Variants in DPYD observed in about 807,000 individuals in gnomAD.
DPYD encodes dihydropyrimidine dehydrogenase [NADP(+)].
In DPYD, 109 loss-of-function variants were observed where a neutral mutation model predicts 116.2. That is an observed-to-expected ratio of 0.94 (90% CI 0.80 to 1.10). The LOEUF is 1.10. DPYD is among the 50% of genes least tolerant of loss of function. DPYD has a pLI of 0.00. For synonymous variants in DPYD, 440 were observed against 432.0 expected, an observed-to-expected ratio of 1.02 and a Z score of -0.23; for missense variants, 1,302 against 1,254.5, an observed-to-expected ratio of 1.04 and a Z score of -0.57.
chr1:97,246,730 T>C (rs544832976), intron 18 of DPYD, among the ~76,000 whole-genome samples: 8 of 152,294 alleles, frequency 5.3e-5, no homozygotes, highest in South Asian at 4.1e-4. Flanking sequence ...TCAATTTCTA[T>C]ATGGCATTTT....
chr1:97,375,140 C>T (rs558446523), intron 15 of DPYD, among the ~76,000 whole-genome samples: 6 of 151,978 alleles, frequency 3.9e-5, no homozygotes, highest in South Asian at 2.1e-4. Flanking sequence ...TCCAGTGCCG[C>T]GGTTTATTTT....
intron 11 of DPYD, among the ~76,000 whole-genome samples, chr1:97,559,501 C>T (rs1190401497): frequency 2.6e-5 from 4 of 152,106 alleles, no homozygotes; most frequent in Non-Finnish European, 5.9e-5. Flanking sequence ...ATTTAAATAG[C>T]AGAAATGCTC....
intron 21 of DPYD, 27 bp from the exon 22 acceptor site, chr1:97,082,497 C>T: frequency 1.2e-6 from 2 of 1,612,170 alleles, no homozygotes; most frequent in Non-Finnish European, 1.7e-6. Context: ...AATTACTTAG[C>T]AAGCTCATTT....
intron 1 of DPYD, among the ~76,000 whole-genome samples, chr1:97,894,828 T>C (rs2101669116): frequency 6.6e-6 from 1 of 151,822 alleles, no homozygotes; most frequent in East Asian, 1.9e-4. Context: ...ACTTTAATTA[T>C]AAACTATTTT....
chr1:97,229,089 A>C (rs1661394927), intron 19 of DPYD, among the ~76,000 whole-genome samples: 1 of 151,608 alleles, frequency 6.6e-6, no homozygotes, highest in Non-Finnish European at 1.5e-5. Flanking sequence ...CTGTGGTCCC[A>C]GCTACTTGGG....
At position 97,593,214 on chromosome 1, in the gene DPYD, T is replaced by C; in HGVS notation, c.1128+4A>G. 6.2e-7 allele frequency: 1 copy of C among 1,614,000 alleles called. No homozygotes were observed. Among genetic ancestry groups the C allele is most frequent in the African/African-American group, 1.3e-5 (1 of 75,048 alleles). On this transcript the variant is annotated splice_donor_region_variant and intron_variant, in intron 10 of 22. Transcript: ENST00000370192. ...CTCCATATTTTCTGATGGTTCCATT[T>C]TACCTCCTCAGGGACAGCTCTTATA...
chr1:97,419,644 T>C (rs10875084), intron 14 of DPYD, among the ~76,000 whole-genome samples: 30,272 of 152,106 alleles, frequency 0.2, 3,250 homozygotes, highest in East Asian at 0.39. Context: ...ACTATTAATG[T>C]TGTGTATCTT....
chr1:97,186,013 C>A (rs11589971), intron 20 of DPYD, among the ~76,000 whole-genome samples: 25,856 of 152,116 alleles, frequency 0.17, 2,667 homozygotes, highest in Middle Eastern at 0.27. Context: ...ATAGAAGATA[C>A]AAAACTTTTA....
intron 19 of DPYD, among the ~76,000 whole-genome samples, chr1:97,216,592 G>A (rs1193618437): frequency 6.6e-6 from 1 of 151,906 alleles, no homozygotes; most frequent in Non-Finnish European, 1.5e-5. Flanking sequence ...TCAGGAGTTC[G>A]AGACCAGCCT....
chr1:97,165,955 G>C (rs2101756141), intron 20 of DPYD, among the ~76,000 whole-genome samples: 1 of 152,016 alleles, frequency 6.6e-6, no homozygotes, highest in Non-Finnish European at 1.5e-5. Flanking sequence ...AGAGAAAAGA[G>C]AACACTTATA....
At chr1:97,415,979 G>A (rs201601476) in intron 14 of DPYD, among the ~76,000 whole-genome samples, 11 of 151,890 alleles carry the variant, frequency 7.2e-5, no homozygotes, top group East Asian at 1.9e-4. Flanking sequence ...TTTATGAGTC[G>A]TACTCCTGAT....
intron 3 of DPYD, among the ~76,000 whole-genome samples, chr1:97,801,928 A>C (rs1055964333): frequency 6.6e-6 from 1 of 151,878 alleles, no homozygotes; most frequent in African/African-American, 2.4e-5. Context: ...GTAGTGTCTA[A>C]TTTTCATACA....
chr1:97,153,474 CT>C (rs1272776801), intron 20 of DPYD, among the ~76,000 whole-genome samples: 7 of 152,050 alleles, frequency 4.6e-5, no homozygotes, highest in African/African-American at 1.7e-4. Flanking sequence ...GGATCTTCAT[CT>C]CTCACCTTAC....
chr1:97,794,751 C>A (rs1473647835), intron 3 of DPYD, among the ~76,000 whole-genome samples: 1 of 152,134 alleles, frequency 6.6e-6, no homozygotes, highest in Admixed American at 6.5e-5. Flanking sequence ...GCTTATTTCA[C>A]ACTTAAAAAG....
chr1:97,303,696 T>G (rs1054240053), intron 18 of DPYD, among the ~76,000 whole-genome samples: 8 of 152,066 alleles, frequency 5.3e-5, no homozygotes, highest in African/African-American at 1.9e-4. Flanking sequence ...ACAGATTGTT[T>G]AATGTGAAGA....
rs1454315595 is a variant in DPYD at position 97,642,415 on chromosome 1, C to T, written c.850+36680G>A. 2.6e-5 allele frequency among the ~76,000 whole-genome samples: 4 copies of T among 152,110 alleles called. No homozygotes were observed. In the East Asian group the frequency reaches 7.8e-4, roughly 29 times the overall value. ...AGATATATAGACCAATGGAACAGAA[C>T]AGAGGCCTCAGAAATAATGCCACAC... On this transcript the variant is annotated intron_variant, in intron 8 of 22. Transcript: ENST00000370192.
intron 18 of DPYD, among the ~76,000 whole-genome samples, chr1:97,240,226 T>A (rs1662238638): frequency 6.8e-6 from 1 of 146,554 alleles, no homozygotes; most frequent in South Asian, 2.3e-4. Context: ...AAGGCTGACA[T>A]CAATATATTT....
intron 18 of DPYD, among the ~76,000 whole-genome samples, chr1:97,246,220 A>G (rs1486457107): frequency 1.3e-5 from 2 of 152,090 alleles, no homozygotes; most frequent in Non-Finnish European, 2.9e-5. Context: ...ATGAAAAATC[A>G]TTTTCAGTCA....
intron 13 of DPYD, among the ~76,000 whole-genome samples, chr1:97,499,319 G>T (rs1400567966): frequency 6.6e-6 from 1 of 151,646 alleles, no homozygotes; most frequent in African/African-American, 2.4e-5. Flanking sequence ...CAAATGGAAT[G>T]AATATAATTT....
Sources: allele counts gnomAD v4.1 joint callset (sites outside exome capture counted in the v4.1 genomes callset), GRCh38; gene constraint gnomAD v4.1.1; transcripts MANE v1.5; gene names NCBI Gene and HGNC (gene_info 2026-07-23, HGNC 2026-07-21).